The following PMS1 variants were observed in gnomAD, a reference collection of about 807,000 sequenced individuals.
PMS1 encodes the protein PMS1 homolog 1, mismatch repair system component.
In PMS1, 79 loss-of-function variants were observed where a neutral mutation model predicts 93.1. The observed-to-expected ratio is 0.85, with a 90% CI of 0.71 to 1.02. The LOEUF (loss-of-function observed/expected upper bound fraction) is 1.02. Among genes scored for constraint, PMS1 ranks in the 50% least tolerant of loss-of-function variants. The pLI is 0.00. For missense variants in PMS1, 1,064 were observed against 1,085.3 expected, an observed-to-expected ratio of 0.98 and a Z score of 0.28; for synonymous variants, 335 against 363.4, an observed-to-expected ratio of 0.92 and a Z score of 0.89.
intron 12 of PMS1, among the ~76,000 whole-genome samples, chr2:189,875,364 A>G (rs575815783): frequency 1.3e-5 from 2 of 151,970 alleles, no homozygotes; most frequent in South Asian, 4.2e-4. Context: ...TCAGCCCTCC[A>G]GAACCCACAT....
chr2:189,873,530 A>G lies in PMS1; in HGVS notation c.2508A>G (p.Glu836=). ...VSITENYLEI[E]GMANCLPFYG... ...TTACTGAAAATTACTTGGAAATAGA[A>G]GGAATGGCTAATTGTCTCCCATTCT... Residue 836 remains glutamate, a synonymous_variant, in exon 12 of 13, where the codon GAA becomes GAG. Coordinates refer to ENST00000441310, the MANE Select transcript of PMS1 (RefSeq NM_000534.5). The G allele has an allele frequency of 6.3e-7, 1 of 1,596,988 alleles. No homozygotes were observed. The highest frequency in any genetic ancestry group is 8.6e-7 in the Non-Finnish European group (1 of 1,164,506).
chr2:189,849,118 T>C (rs2054487668), intron 6 of PMS1, among the ~76,000 whole-genome samples: 1 of 152,112 alleles, frequency 6.6e-6, no homozygotes, highest in Admixed American at 6.6e-5. Context: ...TTTTTCCTCC[T>C]GCAGGGACCC....
chr2:189,830,760 C>T (rs1453625763), intron 5 of PMS1, among the ~76,000 whole-genome samples: 1 of 152,118 alleles, frequency 6.6e-6, no homozygotes, highest in Non-Finnish European at 1.5e-5. Flanking sequence ...TGGCACCAGC[C>T]CAGCTGGACT....
chr2:189,803,887 T>G lies in PMS1; in HGVS notation c.316-1765T>G, dbSNP rs191717012. 4.2e-3 allele frequency among the ~76,000 whole-genome samples: 644 copies of G among 151,542 alleles called. 5 individuals carry two copies. The highest frequency in any genetic ancestry group is 0.015 in the African/African-American group (602 of 41,360). Reference sequence around the variant, plus strand: ...AATTTTAATGTTGGAAAATAGAGGGTTTTTTTTTACTTTAACATAAATGTT... The same window carrying G: ...AATTTTAATGTTGGAAAATAGAGGGGTTTTTTTTACTTTAACATAAATGTT... On this transcript the variant is annotated intron_variant, in intron 3 of 12. Transcript: ENST00000441310.
chr2:189,839,289 C>T (rs1173682864), intron 5 of PMS1, among the ~76,000 whole-genome samples: 1 of 152,184 alleles, frequency 6.6e-6, no homozygotes. Flanking sequence ...CCACACCTGG[C>T]CTATGATCAC....
chr2:189,856,829 A>T (rs913842985), intron 9 of PMS1, among the ~76,000 whole-genome samples: 6 of 152,118 alleles, frequency 3.9e-5, no homozygotes, highest in Non-Finnish European at 5.9e-5. Context: ...GAATGTCTGC[A>T]TTGTTTCTCC....
At chr2:189,790,430 ATGCATGTCTTGATTCCAGTATCT>A (rs2048754765) in intron 1 of PMS1, among the ~76,000 whole-genome samples, 1 of 152,194 alleles carries the variant, frequency 6.6e-6, no homozygotes, top group Non-Finnish European at 1.5e-5. Context: ...TTTTTAGAAC[ATGCATGTCTTGATTCCAGTATCT>A]GTGAGCTTTC....
chr2:189,845,499 C>T (rs1199229316), intron 6 of PMS1, among the ~76,000 whole-genome samples: 1 of 151,938 alleles, frequency 6.6e-6, no homozygotes. Context: ...AAGTTTTCTT[C>T]ATCATGTTAG....
chr2:189,811,954 A>G (rs913886524), intron 4 of PMS1, among the ~76,000 whole-genome samples: 14 of 152,218 alleles, frequency 9.2e-5, no homozygotes, highest in South Asian at 2.1e-4. Flanking sequence ...CTGACTTCCC[A>G]TTGGAAACAT....
intron 5 of PMS1, among the ~76,000 whole-genome samples, chr2:189,829,259 G>A (rs537430880): frequency 6.6e-6 from 1 of 152,324 alleles, no homozygotes; most frequent in South Asian, 2.1e-4. Flanking sequence ...ATGTGAAAGT[G>A]TGTAAACATA....
At chr2:189,843,314 A>G (rs1428969365) in intron 5 of PMS1, among the ~76,000 whole-genome samples, 3 of 152,086 alleles carry the variant, frequency 2.0e-5, no homozygotes, top group Non-Finnish European at 4.4e-5. Flanking sequence ...CACTGCAAAC[A>G]ACCTATTGTT....
intron 4 of PMS1, among the ~76,000 whole-genome samples, chr2:189,816,437 C>G (rs1485814805): frequency 6.6e-6 from 1 of 152,080 alleles, no homozygotes. Flanking sequence ...GAAACTTGTT[C>G]TTTCTGTATG....
intron 5 of PMS1, among the ~76,000 whole-genome samples, chr2:189,820,054 G>C (rs1190428689): frequency 6.6e-6 from 1 of 152,180 alleles, no homozygotes; most frequent in East Asian, 1.9e-4. Flanking sequence ...AAACCTGATG[G>C]GAAATAGGGA....
chr2:189,842,811 G>T (rs2053924061), intron 5 of PMS1, among the ~76,000 whole-genome samples: 1 of 152,040 alleles, frequency 6.6e-6, no homozygotes, highest in Non-Finnish European at 1.5e-5. Flanking sequence ...TATGGTGTCT[G>T]GTGTGTGGCA....
At chr2:189,839,054 C>T (rs1443770165) in intron 5 of PMS1, among the ~76,000 whole-genome samples, 2 of 151,920 alleles carry the variant, frequency 1.3e-5, no homozygotes, top group Non-Finnish European at 2.9e-5. Flanking sequence ...TGCAGTAGCG[C>T]GATCTCAGCT....
In PMS1 at chr2:189,877,457, T is replaced by C; in HGVS notation, c.*21T>C. 3 of 1,545,758 alleles carry C rather than the reference T, an allele frequency of 1.9e-6. No individual in the cohort carries two copies. The highest frequency in any genetic ancestry group is 2.7e-6 in the Non-Finnish European group (3 of 1,118,768). On this transcript the variant is annotated 3_prime_UTR_variant, in exon 13 of 13. Coordinates refer to ENST00000441310, the MANE Select transcript of PMS1 (RefSeq NM_000534.5). Reference sequence around the variant, plus strand: ...CATGATTAAATATGTTTAAGAAGATTAGTTACCATTGAAATTGGTTCTGTC... The same window carrying C: ...CATGATTAAATATGTTTAAGAAGATCAGTTACCATTGAAATTGGTTCTGTC...
chr2:189,868,455 A>T (rs903950398), intron 11 of PMS1, among the ~76,000 whole-genome samples: 1 of 152,216 alleles, frequency 6.6e-6, no homozygotes, highest in African/African-American at 2.4e-5. Context: ...TTTAAAAAGA[A>T]AAAAGAAAAT....
At chr2:189,852,921 TG>T in intron 7 of PMS1, 144 bp downstream of exon 7, 2 of 648,942 alleles carry the variant, frequency 3.1e-6, no homozygotes, top group South Asian at 1.9e-5. Flanking sequence ...GAAAGACATA[TG>T]ATGTCTCTCT....
rs5743127 is a variant in PMS1, at chr2:189,852,609, G to A, written c.700-46G>A. The A allele has an allele frequency of 2.0e-3, 3,144 of 1,564,540 alleles. 48 individuals carry two copies. In the African/African-American group the frequency reaches 0.037, roughly 19 times the overall value. ...CAAAGTGTTATATATAGCCAGACCC[G>A]TGGAACTACATTGTTGACATTGCAT... On this transcript the variant is annotated intron_variant, in intron 6 of 12. Transcript: ENST00000441310.
Sources: allele counts gnomAD v4.1 joint callset (sites outside exome capture counted in the v4.1 genomes callset), GRCh38; gene constraint gnomAD v4.1.1; transcripts MANE v1.5; gene names NCBI Gene and HGNC (gene_info 2026-07-23, HGNC 2026-07-21).